The following MACROD2 variants were observed in gnomAD, a reference collection of about 807,000 sequenced individuals.
MACROD2 encodes mono-ADP ribosylhydrolase 2.
A neutral mutation model predicts 70.4 loss-of-function variants in MACROD2; 36 were observed. That is an observed-to-expected ratio of 0.51 (90% CI 0.39 to 0.68). MACROD2 has a LOEUF of 0.68. Among genes scored for constraint, MACROD2 ranks in the 30% least tolerant of loss-of-function variants. The probability of loss-of-function intolerance (pLI) is 0.00; values close to 1 mark genes in which losing one functional copy is unlikely to be tolerated. For missense variants in MACROD2, 496 were observed against 538.4 expected (o/e 0.92, Z 0.78); for synonymous variants, 172 against 178.8 (o/e 0.96, Z 0.30).
At chr20:15,288,097 C>T (rs1290504050) in intron 6 of MACROD2, among the ~76,000 whole-genome samples, 2 of 152,292 alleles carry the variant, frequency 1.3e-5, no homozygotes, top group Non-Finnish European at 2.9e-5. Flanking sequence ...ACCACTGTAT[C>T]AGTCAAGGCT....
intron 5 of MACROD2, among the ~76,000 whole-genome samples, chr20:15,184,906 A>C (rs2076524598): frequency 6.6e-6 from 1 of 152,210 alleles, no homozygotes. Context: ...ACAAAATGAT[A>C]AGATGACCTC....
At chr20:14,089,490 G>A (rs142007403) in intron 3 of MACROD2, among the ~76,000 whole-genome samples, 126 of 152,250 alleles carry the variant, frequency 8.3e-4, no homozygotes, top group African/African-American at 2.9e-3. Context: ...GGAACACCTG[G>A]TCTTAGTTGC....
chr20:15,467,559 C>A (rs1258697065), intron 7 of MACROD2, among the ~76,000 whole-genome samples: 1 of 152,130 alleles, frequency 6.6e-6, no homozygotes, highest in African/African-American at 2.4e-5. Context: ...TCCAAATATT[C>A]TCTGTCTCTC....
At chr20:14,033,906 T>C (rs1294869909) in intron 2 of MACROD2, among the ~76,000 whole-genome samples, 3 of 152,200 alleles carry the variant, frequency 2.0e-5, no homozygotes, top group South Asian at 4.1e-4. Flanking sequence ...CACTTTGTAA[T>C]GTATCATGGA....
chr20:14,082,629 C>T (rs2990504), intron 2 of MACROD2, among the ~76,000 whole-genome samples: 151,343 of 152,314 alleles, frequency 0.99, 75,196 homozygotes, highest in East Asian at 1. Flanking sequence ...AATAATACTT[C>T]TTAGAGCTAA....
At chr20:14,409,578 C>G (rs957086544) in intron 3 of MACROD2, among the ~76,000 whole-genome samples, 16 of 151,916 alleles carry the variant, frequency 1.1e-4, no homozygotes, top group African/African-American at 3.4e-4. Context: ...AGATCATAAC[C>G]TCTACTGGGT....
chr20:16,017,103 T>C (rs1369168608), intron 15 of MACROD2, among the ~76,000 whole-genome samples: 1 of 152,216 alleles, frequency 6.6e-6, no homozygotes, highest in Non-Finnish European at 1.5e-5. Context: ...AAAATAAGAA[T>C]ATAACAATCT....
chr20:14,009,471 CAG>C (rs146112400), intron 2 of MACROD2, among the ~76,000 whole-genome samples: 224 of 152,282 alleles, frequency 1.5e-3, no homozygotes, highest in Non-Finnish European at 2.5e-3. Context: ...CAAAGAACAA[CAG>C]ATGCTGGCGA....
chr20:15,051,406 A>C (rs1018778114), intron 5 of MACROD2, among the ~76,000 whole-genome samples: 2 of 145,580 alleles, frequency 1.4e-5, no homozygotes, highest in Non-Finnish European at 3.0e-5. Context: ...GTGTCATAGC[A>C]GCTGACAGAT....
chr20:15,362,284 G>A (rs948787074), intron 6 of MACROD2, among the ~76,000 whole-genome samples: 16 of 151,752 alleles, frequency 1.1e-4, no homozygotes, highest in Non-Finnish European at 1.2e-4. Flanking sequence ...ATGAACCACC[G>A]TGCCCAGCCT....
intron 5 of MACROD2, among the ~76,000 whole-genome samples, chr20:14,898,902 A>AC (rs938088792): frequency 9.2e-5 from 14 of 152,220 alleles, no homozygotes; most frequent in African/African-American, 9.6e-5. Flanking sequence ...AAAGGCAACG[A>AC]CCAGATGGGA....
intron 3 of MACROD2, among the ~76,000 whole-genome samples, chr20:14,254,877 G>C (rs1414629706): frequency 6.6e-6 from 1 of 152,034 alleles, no homozygotes; most frequent in South Asian, 2.1e-4. Context: ...GCAGTGGCTG[G>C]TACCGGTTGT....
intron 6 of MACROD2, among the ~76,000 whole-genome samples, chr20:15,353,334 C>T (rs1015622823): frequency 5.3e-5 from 8 of 152,132 alleles, no homozygotes; most frequent in Non-Finnish European, 8.8e-5. Context: ...CTTCCTTACA[C>T]CTTATACAAA....
At chr20:14,549,183 T>C (rs1978486255) in intron 4 of MACROD2, among the ~76,000 whole-genome samples, 1 of 152,138 alleles carries the variant, frequency 6.6e-6, no homozygotes, top group Non-Finnish European at 1.5e-5. Context: ...CAAACCACAC[T>C]CAATTTATTG....
intron 3 of MACROD2, among the ~76,000 whole-genome samples, chr20:14,466,677 C>T (rs563946737): frequency 2.0e-4 from 31 of 151,992 alleles, no homozygotes; most frequent in Non-Finnish European, 4.1e-4. Flanking sequence ...ATCTACCTTT[C>T]GTCTTTGATG....
chr20:15,517,651 T>C (rs1189109304), intron 8 of MACROD2, among the ~76,000 whole-genome samples: 1 of 152,150 alleles, frequency 6.6e-6, no homozygotes, highest in African/African-American at 2.4e-5. Flanking sequence ...GAAAGGGGTA[T>C]GCCAGACAGC....
intron 8 of MACROD2, chr20:15,552,034 C>G (rs893691024): frequency 6.6e-6 from 1 of 151,904 alleles, no homozygotes; most frequent in African/African-American, 2.4e-5. Flanking sequence ...TATGATTAAG[C>G]CTCTTTTATA....
chr20:15,781,195 A>G (rs2051825117), intron 8 of MACROD2, among the ~76,000 whole-genome samples: 1 of 152,184 alleles, frequency 6.6e-6, no homozygotes, highest in African/African-American at 2.4e-5. Flanking sequence ...AGCATACATA[A>G]TATGCCTAAG....
intron 3 of MACROD2, among the ~76,000 whole-genome samples, chr20:14,485,233 T>C (rs1216393330): frequency 6.6e-6 from 1 of 152,164 alleles, no homozygotes; most frequent in Non-Finnish European, 1.5e-5. Flanking sequence ...CTGGAAACAA[T>C]GTAAGTGCCC....
Sources: gnomAD v4.1 joint callset for allele counts (sites outside exome capture counted in the v4.1 genomes callset) on GRCh38, gnomAD v4.1.1 for gene constraint, MANE v1.5 for transcripts, NCBI Gene and HGNC (gene_info 2026-07-23, HGNC 2026-07-21) for gene names.